The following CACNA1S variants were observed in gnomAD, a reference collection of about 807,000 sequenced individuals.
The protein encoded by CACNA1S is calcium voltage-gated channel subunit alpha1 S.
Under a neutral mutation model 207.4 loss-of-function variants are expected in CACNA1S, and 126 were observed. That is an observed-to-expected ratio of 0.61 (90% CI 0.53 to 0.70). CACNA1S has a LOEUF of 0.70. Ranked by LOEUF, CACNA1S falls within the 30% of genes least tolerant of loss-of-function variation. CACNA1S has a pLI of 0.00. For synonymous variants in CACNA1S, 960 were observed against 932.7 expected (o/e 1.03, Z -0.53); for missense variants, 2,349 against 2,422.8 (o/e 0.97, Z 0.64).
intron 13 of CACNA1S, among the ~76,000 whole-genome samples, chr1:201,074,953 T>C (rs1661553919): frequency 6.6e-6 from 1 of 152,050 alleles, no homozygotes; most frequent in South Asian, 2.1e-4. Flanking sequence ...ACGGTGCCCT[T>C]CCTCCCCACT....
At chr1:201,076,778 G>C (rs1661636682) in intron 12 of CACNA1S, 142 bp downstream of exon 12, 1 of 789,692 alleles carries the variant, frequency 1.3e-6, no homozygotes, top group Non-Finnish European at 2.3e-6. Context: ...AGGTGATAGG[G>C]GAGCCCAGAG....
rs148105111 is a variant in CACNA1S, at chr1:201,054,555, G to A, written c.3616C>T (p.Leu1206=). ...DVILSEIDTF[L]ASSGGLYCLG... is the part of the protein sequence containing the mutation. ...CAATACAGTCCCCCGCTGGAGGCCAGGAAAGTCTGTGGAGAAAAGAGACGA... is the reference window on the plus strand; with the variant it reads ...CAATACAGTCCCCCGCTGGAGGCCAAGAAAGTCTGTGGAGAAAAGAGACGA... Residue 1206 remains leucine, a synonymous_variant, in exon 29 of 44, where the codon CTG becomes TTG. Transcript: ENST00000362061. The A allele has an allele frequency of 1.9e-4, 310 of 1,613,440 alleles. No individual in the cohort carries two copies. The highest frequency in any genetic ancestry group is 2.5e-4 in the Non-Finnish European group (293 of 1,179,714).
intron 8 of CACNA1S, among the ~76,000 whole-genome samples, 162 bp downstream of exon 8, chr1:201,085,274 C>T (rs1485744465): frequency 6.6e-6 from 1 of 152,164 alleles, no homozygotes; most frequent in African/African-American, 2.4e-5. Flanking sequence ...GAGCTCTGGT[C>T]ACACCTGGAT....
intron 38 of CACNA1S, among the ~76,000 whole-genome samples, chr1:201,045,222 C>A (rs1233928497): frequency 2.0e-5 from 3 of 152,254 alleles, no homozygotes; most frequent in African/African-American, 7.2e-5. Context: ...GATGCATATC[C>A]TAGTAATCAG....
chr1:201,060,522 C>A, intron 26 of CACNA1S, 136 bp downstream of exon 26: 1 of 906,114 alleles, frequency 1.1e-6, no homozygotes. Flanking sequence ...TTCTGTATTC[C>A]ATGTAGCACC....
intron 22 of CACNA1S, among the ~76,000 whole-genome samples, chr1:201,063,236 T>TTA (rs1313802553): frequency 6.6e-6 from 1 of 152,098 alleles, no homozygotes; most frequent in East Asian, 1.9e-4. Context: ...GTTACTCCTT[T>TTA]TATCTGTGTC....
At chr1:201,091,119 CA>C (rs1322414398) in intron 5 of CACNA1S, among the ~76,000 whole-genome samples, 1 of 152,016 alleles carries the variant, frequency 6.6e-6, no homozygotes, top group Non-Finnish European at 1.5e-5. Context: ...GTCCTGAGGC[CA>C]AAAAGTTTGA....
At chr1:201,104,884 C>T (rs187068605) in intron 2 of CACNA1S, among the ~76,000 whole-genome samples, 1 of 152,340 alleles carries the variant, frequency 6.6e-6, no homozygotes, top group African/African-American at 2.4e-5. Context: ...GCCACCTGGG[C>T]ATGTGCAGTG....
rs1411597668 is a variant in CACNA1S at position 201,075,628 on chromosome 1, A to T, written c.1828-13T>A. On this transcript the variant is annotated splice_polypyrimidine_tract_variant and intron_variant, in intron 12 of 43. Coordinates refer to ENST00000362061, the MANE Select transcript of CACNA1S (RefSeq NM_000069.3). ...CCCCTGTCAGTACCTGTATGGAGGG[A>T]GGATAGAGGGCTCGGGAACACAGAG... 2 of 1,613,766 alleles carry T rather than the reference A, an allele frequency of 1.2e-6. No individual in the cohort carries two copies. The highest frequency in any genetic ancestry group is 1.7e-5 in the Admixed American group (1 of 60,022).
Position 201,092,113 on chromosome 1 carries a change from C to A in CACNA1S, c.400G>T (p.Val134Phe). 6.2e-7 allele frequency: 1 copy of A among 1,613,982 alleles called. No individual in the cohort carries two copies. Among genetic ancestry groups the A allele is most frequent in the East Asian group, 2.2e-5 (1 of 44,872 alleles). ...VLDFTIVFLG[V>F]FTVILEQVNV... ...ACCTGTTCCAGAATCACGGTGAAGA[C>A]CCTAGAATGGAGAAGAGGGAGAGAG... The change falls in exon 4 of 44, where the codon GTC becomes TTC. Residue 134 changes from valine (V) to phenylalanine (F), a missense_variant and splice_region_variant. Val to Phe is a conservative substitution (Grantham distance 50). Transcript: ENST00000362061.
chr1:201,047,676 G>C, intron 36 of CACNA1S, 50 bp from the exon 37 acceptor site: 1 of 1,190,036 alleles, frequency 8.4e-7, no homozygotes, highest in African/African-American at 1.5e-5. Context: ...AACTGCACTT[G>C]ACAAGGCCAC....
intron 42 of CACNA1S, 48 bp downstream of exon 42, chr1:201,040,574 G>T: frequency 6.4e-7 from 1 of 1,554,192 alleles, no homozygotes; most frequent in South Asian, 1.1e-5. Context: ...TATCAGGCCA[G>T]GCAGGGTCTC....
At position 201,090,353 on chromosome 1, in the gene CACNA1S, A is replaced by T. The variant is rs115191342; in HGVS notation, c.695-890T>A. Among the ~76,000 whole-genome samples the T allele has an allele frequency of 9.2e-3, 1,399 of 152,270 alleles. 15 individuals carry two copies. Among genetic ancestry groups the T allele is most frequent in the African/African-American group, 0.028 (1,149 of 41,546 alleles). The stretch of plus-strand genomic sequence containing the variant: ...AAGGTCACCTCCTATCCATCCTGAT[A>T]ATGCTTATGATAGGATGTAGATTGT... On this transcript the variant is annotated intron_variant, in intron 5 of 43. Transcript: ENST00000362061.
chr1:201,045,476 T>C (rs1660440506), intron 38 of CACNA1S, among the ~76,000 whole-genome samples: 1 of 152,330 alleles, frequency 6.6e-6, no homozygotes, highest in South Asian at 2.1e-4. Flanking sequence ...GACTCACGTC[T>C]GTAATCCCAG....
chr1:201,101,047 T>A (rs1346761938), intron 2 of CACNA1S, among the ~76,000 whole-genome samples: 3 of 74,878 alleles, frequency 4.0e-5, no homozygotes, highest in African/African-American at 5.5e-5. Context: ...TTTACATTTC[T>A]TTATTTTAAT....
intron 1 of CACNA1S, 111 bp from the exon 2 acceptor site, chr1:201,110,380 G>T (rs1248492052): frequency 1.4e-5 from 13 of 940,954 alleles, no homozygotes; most frequent in Non-Finnish European, 2.2e-5. Context: ...CAGGCTGCTG[G>T]ACAGGCTCAT....
At chr1:201,067,432 C>T (rs1053904728) in intron 19 of CACNA1S, among the ~76,000 whole-genome samples, 21 of 152,204 alleles carry the variant, frequency 1.4e-4, no homozygotes, top group Non-Finnish European at 2.6e-4. Context: ...CCTCCCTCTC[C>T]ACCTCCTTCC....
intron 18 of CACNA1S, 52 bp from the exon 19 acceptor site, chr1:201,069,248 A>C (rs1281949762): frequency 1.3e-6 from 2 of 1,542,314 alleles, no homozygotes; most frequent in Non-Finnish European, 9.0e-7. Flanking sequence ...AGGGGGCAAC[A>C]GTATCAGCAG....
intron 11 of CACNA1S, 43 bp downstream of exon 11, chr1:201,077,836 G>T: frequency 7.1e-7 from 1 of 1,411,498 alleles, no homozygotes; most frequent in Non-Finnish European, 1.0e-6. Flanking sequence ...AGCCCGTGGT[G>T]CCTGCCGGGG....
Sources: allele counts gnomAD v4.1 joint callset (sites outside exome capture counted in the v4.1 genomes callset), GRCh38; gene constraint gnomAD v4.1.1; transcripts MANE v1.5; gene names NCBI Gene and HGNC (gene_info 2026-07-23, HGNC 2026-07-21).